Variants in GCAT observed in about 807,000 individuals in gnomAD.
The protein encoded by GCAT is glycine C-acetyltransferase, also known as 2-amino-3-ketobutyrate coenzyme A ligase, mitochondrial.
Under a neutral mutation model 39.7 loss-of-function variants are expected in GCAT, and 26 were observed. The ratio of observed to expected loss-of-function variants is 0.65; its 90% CI spans 0.48 to 0.91. The LOEUF (loss-of-function observed/expected upper bound fraction) is 0.91, where lower values mean the gene tolerates loss of function less well. GCAT is among the 40% of genes least tolerant of loss of function. GCAT has a pLI of 0.00. For synonymous variants in GCAT, 218 were observed against 237.2 expected (o/e 0.92, Z 0.74); for missense variants, 550 against 576.2 (o/e 0.95, Z 0.47).
Position 37,816,154 on chromosome 22 carries a change from A to T in GCAT, c.987-46A>T, listed in dbSNP as rs200171963. The stretch of plus-strand genomic sequence containing the variant: ...CTGGTCCCTGCAAGGAGCGGGTGTG[A>T]ATGCTCCACGGCCCCTTAGCTACCT... On this transcript the variant is annotated intron_variant, in intron 7 of 8. Coordinates refer to ENST00000248924, the MANE Select transcript of GCAT (RefSeq NM_014291.4). 1.3e-5 allele frequency: 20 copies of T among 1,599,656 alleles called. No individual in the cohort carries two copies. In the African/African-American group the frequency reaches 1.9e-4, roughly 15 times the overall value.
At chr22:37,813,802 G>A (rs922672714) in intron 4 of GCAT, among the ~76,000 whole-genome samples, 193 bp downstream of exon 4, 10 of 151,606 alleles carry the variant, frequency 6.6e-5, no homozygotes, top group African/African-American at 2.4e-4. Flanking sequence ...GTTTCACTCT[G>A]TCGCCAAGGC....
rs781420375 is a variant in GCAT at position 37,815,673 on chromosome 22, G to C, written c.825G>C (p.Thr275=). Residue 275 remains threonine, a synonymous_variant, in exon 7 of 9, where the codon ACG becomes ACC. Coordinates refer to ENST00000248924, the MANE Select transcript of GCAT (RefSeq NM_014291.4). ...TTCCCTTCTTCTCAGGGGGCTACAC[G>C]ACAGGGCCTGGGCCCCTGGTGTCCC... The part of the protein sequence containing the change: ...KALGGASGGY[T]TGPGPLVSLL... 1.2e-6 allele frequency: 2 copies of C among 1,610,944 alleles called. No homozygotes were observed. Among genetic ancestry groups the C allele is most frequent in the East Asian group, 4.5e-5 (2 of 44,870 alleles).
At chr22:37,812,165 TA>T (rs397804303) in intron 2 of GCAT, among the ~76,000 whole-genome samples, 68 of 146,804 alleles carry the variant, frequency 4.6e-4, no homozygotes, top group Middle Eastern at 3.5e-3. Context: ...ACCCTCTCTC[TA>T]AAAAAAAAAA....
In GCAT at chr22:37,807,958, G is replaced by A. The variant is rs904607314; in HGVS notation, c.-10G>A. On this transcript the variant is annotated 5_prime_UTR_variant, in exon 1 of 9. Coordinates refer to ENST00000248924, the MANE Select transcript of GCAT (RefSeq NM_014291.4). Reference sequence around the variant, plus strand: ...CAGGCAGGCAGGCGCGCTCGGGCGAGGTAGGAGCGATGTGGCCTGGGAACG... The same window carrying A: ...CAGGCAGGCAGGCGCGCTCGGGCGAAGTAGGAGCGATGTGGCCTGGGAACG... 6 of 1,517,538 alleles carry A rather than the reference G, an allele frequency of 4.0e-6. No individual in the cohort carries two copies. The highest frequency in any genetic ancestry group is 1.2e-5 in the South Asian group (1 of 82,346). 94.0% of individuals were successfully genotyped at this position (1,517,538 alleles called of 1,614,324 possible). A position where few individuals can be genotyped will look rare whatever the true frequency, so the allele number is the denominator to read the frequency against.
intron 5 of GCAT, 47 bp from the exon 6 acceptor site, chr22:37,815,371 C>T (rs1922048110): frequency 6.3e-7 from 1 of 1,598,386 alleles, no homozygotes; most frequent in Admixed American, 1.7e-5. Flanking sequence ...TCCATAATCC[C>T]TGGGCTCTCA....
rs1922000642 is a variant in GCAT, at chr22:37,815,044, C to T, written c.577-82C>T. Reference sequence around the variant, plus strand: ...TGCTGGGCACTGGGCAGGATGAGCTCTCAGAGCTCCAAGCAGCACAAGAGA... The same window carrying T: ...TGCTGGGCACTGGGCAGGATGAGCTTTCAGAGCTCCAAGCAGCACAAGAGA... On this transcript the variant is annotated intron_variant, in intron 4 of 8. Transcript: ENST00000248924. The T allele has an allele frequency of 4.9e-6, 7 of 1,441,772 alleles. No homozygotes were observed. In the South Asian group the frequency reaches 7.2e-5, roughly 15 times the overall value. The allele number at this position is 1,441,772 out of a possible 1,614,324, so 89.3% of individuals were successfully genotyped here.
intron 8 of GCAT, 41 bp from the exon 9 acceptor site, chr22:37,816,526 G>A: frequency 1.2e-6 from 2 of 1,611,036 alleles, no homozygotes; most frequent in African/African-American, 2.7e-5. Context: ...CTGCCCCCAA[G>A]CCTGTTGGTT....
chr22:37,815,902 C>T, intron 7 of GCAT, 68 bp downstream of exon 7: 2 of 1,570,442 alleles, frequency 1.3e-6, no homozygotes, highest in Admixed American at 3.4e-5. Flanking sequence ...ATGTGTCTGC[C>T]CAGGCCCACA....
intron 6 of GCAT, 73 bp downstream of exon 6, chr22:37,815,573 G>A (rs1922077964): frequency 6.7e-7 from 1 of 1,499,930 alleles, no homozygotes; most frequent in Admixed American, 1.7e-5. Flanking sequence ...GGGAAGTGGG[G>A]AGGGCAGCAT....
At position 37,810,106 on chromosome 22, in the gene GCAT, G is replaced by A; in HGVS notation, c.276G>A (p.Leu92=). Reference sequence around the variant, plus strand: ...TGATCCAGGCAGGTCTGCAGGCTCTGGAGGAGTTTGGAGCTGGCCTCAGCT... The same window carrying A: ...TGATCCAGGCAGGTCTGCAGGCTCTAGAGGAGTTTGGAGCTGGCCTCAGCT... ...PEVIQAGLQA[L]EEFGAGLSSV... The change falls in exon 2 of 9, where the codon CTG becomes CTA. Residue 92 remains leucine (L), a synonymous_variant. Transcript: ENST00000248924. 1 of 1,614,184 alleles carries A rather than the reference G, an allele frequency of 6.2e-7. No individual in the cohort carries two copies. Among genetic ancestry groups the A allele is most frequent in the Non-Finnish European group, 8.5e-7 (1 of 1,179,990 alleles).
chr22:37,815,939 T>C, intron 7 of GCAT, 105 bp downstream of exon 7: 1 of 1,341,738 alleles, frequency 7.5e-7, no homozygotes, highest in Non-Finnish European at 1.0e-6. Context: ...CCGGGTCTGC[T>C]TCTGCCTGTT....
chr22:37,816,250 A>G lies in GCAT; in HGVS notation c.1037A>G (p.His346Arg). ...AAGFTISGAS[H>R]PICPVMLGDA... ...GGCTTCACTATCTCGGGAGCCAGTC[A>G]CCCCATCTGCCCTGTGATGCTGGGT... The change falls in exon 8 of 9, where the codon CAC becomes CGC. Residue 346 changes from histidine to arginine, a missense_variant. Coordinates refer to ENST00000248924, the MANE Select transcript of GCAT (RefSeq NM_014291.4). 6.2e-7 allele frequency: 1 copy of G among 1,613,264 alleles called. No individual in the cohort carries two copies. Among genetic ancestry groups the G allele is most frequent in the Non-Finnish European group, 8.5e-7 (1 of 1,179,952 alleles).
At chr22:37,815,865 C>T (rs769263470) in intron 7 of GCAT, 31 bp downstream of exon 7, 26 of 1,609,964 alleles carry the variant, frequency 1.6e-5, no homozygotes, top group East Asian at 6.7e-5. Flanking sequence ...GGCTCGGGGG[C>T]GGAGAGACGT....
In GCAT at chr22:37,813,487, G is replaced by A. The variant is rs527590625; in HGVS notation, c.454G>A (p.Val152Ile). 1.2e-6 allele frequency: 2 copies of A among 1,607,386 alleles called. No homozygotes were observed. The highest frequency in any genetic ancestry group is 2.2e-5 in the South Asian group (2 of 89,792). Residue 152 changes from valine (V) to isoleucine (I), a missense_variant, in exon 4 of 9, where the codon GTC becomes ATC. Transcript: ENST00000248924. Reference sequence around the variant, plus strand: ...GGCCCTGCTGACCCCAGAGGACGCAGTCCTGTCGGACGAGCTGAACCATGC... The same window carrying A: ...GGCCCTGCTGACCCCAGAGGACGCAATCCTGTCGGACGAGCTGAACCATGC... ...FEALLTPEDA[V>I]LSDELNHASI...
At position 37,812,875 on chromosome 22, in the gene GCAT, C is replaced by G. The variant is rs1381359427; in HGVS notation, c.328-12C>G. 7 of 1,583,528 alleles carry G rather than the reference C, an allele frequency of 4.4e-6. No individual in the cohort carries two copies. In the East Asian group the frequency reaches 1.6e-4, roughly 35 times the overall value. On this transcript the variant is annotated splice_polypyrimidine_tract_variant and intron_variant, in intron 2 of 8. Transcript: ENST00000248924. ...CACAGGCATCAACACGTGTCTCACTCATTTTCTTCAGAGCATCCACAAGAA... is the reference window on the plus strand; with the variant it reads ...CACAGGCATCAACACGTGTCTCACTGATTTTCTTCAGAGCATCCACAAGAA...
At chr22:37,811,480 CA>C (rs59876225) in intron 2 of GCAT, among the ~76,000 whole-genome samples, 11,340 of 47,148 alleles carry the variant, frequency 0.24, 206 homozygotes, top group South Asian at 0.31. Context: ...GACTCTGTCT[CA>C]AAAAAAAAAA....
intron 1 of GCAT, chr22:37,809,817 C>CT: frequency 1.6e-6 from 1 of 637,310 alleles, no homozygotes; most frequent in Non-Finnish European, 2.8e-6. Flanking sequence ...TAGACCCTGT[C>CT]TCAAAAAAAA....
intron 1 of GCAT, among the ~76,000 whole-genome samples, chr22:37,809,030 G>A (rs1921284714): frequency 6.6e-6 from 1 of 152,162 alleles, no homozygotes; most frequent in Admixed American, 6.5e-5. Context: ...TGACTTATTC[G>A]TGTCAGGCCT....
chr22:37,813,008 C>A lies in GCAT; in HGVS notation c.429+20C>A. On this transcript the variant is annotated intron_variant, in intron 3 of 8. Coordinates refer to ENST00000248924, the MANE Select transcript of GCAT (RefSeq NM_014291.4). Reference sequence around the variant, plus strand: ...TTTGAGGTGTGTGGAAGCTGTCCTGCGGGTGAGGGTTGGTGGGGCCTGTTA... The same window carrying A: ...TTTGAGGTGTGTGGAAGCTGTCCTGAGGGTGAGGGTTGGTGGGGCCTGTTA... 1 of 1,547,006 alleles carries A rather than the reference C, an allele frequency of 6.5e-7. No individual in the cohort carries two copies. The highest frequency in any genetic ancestry group is 1.1e-5 in the South Asian group (1 of 89,742).
Sources: gnomAD v4.1 joint callset for allele counts (sites outside exome capture counted in the v4.1 genomes callset) on GRCh38, gnomAD v4.1.1 for gene constraint, MANE v1.5 for transcripts, NCBI Gene and HGNC (gene_info 2026-07-23, HGNC 2026-07-21) for gene names.